Variants in QRICH1 observed in about 807,000 individuals in gnomAD.
QRICH1 encodes transcriptional regulator QRICH1.
A neutral mutation model predicts 87.1 loss-of-function variants in QRICH1; 16 were observed. The ratio of observed to expected loss-of-function variants is 0.18; its 90% CI spans 0.12 to 0.28. The LOEUF (loss-of-function observed/expected upper bound fraction) is 0.28. QRICH1 is among the 10% of genes least tolerant of loss of function. QRICH1 has a pLI of 1.00. For synonymous variants in QRICH1, 367 were observed against 368.4 expected (o/e 1.00, Z 0.05); for missense variants, 647 against 951.7 (o/e 0.68, Z 4.21).
chr3:49,070,863 A>G (rs2093496448), intron 2 of QRICH1, among the ~76,000 whole-genome samples: 2 of 152,248 alleles, frequency 1.3e-5, no homozygotes, highest in South Asian at 4.1e-4. Flanking sequence ...TCATTTACAT[A>G]GAGTTTAGGG....
At position 49,057,633 on chromosome 3, in the gene QRICH1, G is replaced by A; in HGVS notation, c.567C>T (p.His189=). 1 of 1,614,232 alleles carries A rather than the reference G, an allele frequency of 6.2e-7. No individual in the cohort carries two copies. The highest frequency in any genetic ancestry group is 8.5e-7 in the Non-Finnish European group (1 of 1,180,042). The part of the protein sequence containing the change: ...QIQAAEIPEE[H]IPHQQIQAQL... Reference sequence around the variant, plus strand: ...GAGCCTGGATTTGCTGATGTGGGATGTGCTCCTCCGGGATTTCTGCAGCCT... The same window carrying A: ...GAGCCTGGATTTGCTGATGTGGGATATGCTCCTCCGGGATTTCTGCAGCCT... Residue 189 remains histidine, a synonymous_variant, in exon 3 of 10, where the codon CAC becomes CAT. Coordinates refer to ENST00000395443, the MANE Select transcript of QRICH1 (RefSeq NM_198880.3). The surrounding 1 kb of genome is among the most constrained non-coding windows in gnomAD (Gnocchi z 5.4).
chr3:49,048,473 GC>G, intron 3 of QRICH1, among the ~76,000 whole-genome samples: 1 of 143,054 alleles, frequency 7.0e-6, no homozygotes, highest in African/African-American at 2.6e-5. Context: ...CATCTGGATT[GC>G]TTTAAAAAAA....
chr3:49,038,271 C>A lies in QRICH1; in HGVS notation c.1787-5043G>T, dbSNP rs542586725. Among the ~76,000 whole-genome samples, 38 of 151,742 alleles carry A rather than the reference C, an allele frequency of 2.5e-4. No homozygotes were observed. The East Asian group carries it at 5.1e-3, about 20-fold the overall frequency. The stretch of plus-strand genomic sequence containing the variant: ...AGAGACAGGGCTTCACCGTGTTAGC[C>A]AGGATGGTCTCGATCTCCTGAACTC... On this transcript the variant is annotated intron_variant, in intron 6 of 9. Transcript: ENST00000395443.
chr3:49,068,033 T>A (rs560867952), intron 2 of QRICH1, among the ~76,000 whole-genome samples: 31 of 151,926 alleles, frequency 2.0e-4, no homozygotes, highest in South Asian at 6.2e-4. Flanking sequence ...ACACCTTTTT[T>A]AAAAAAAAGT....
At chr3:49,089,464 T>C (rs1431517548) in intron 1 of QRICH1, among the ~76,000 whole-genome samples, 1 of 152,166 alleles carries the variant, frequency 6.6e-6, no homozygotes, top group Non-Finnish European at 1.5e-5. Context: ...GCTGAAAATA[T>C]CCATTCCACG....
chr3:49,069,101 A>ATTTTTTTT (rs1340493320), intron 2 of QRICH1, among the ~76,000 whole-genome samples: 1 of 87,412 alleles, frequency 1.1e-5, no homozygotes, highest in Admixed American at 1.5e-4. Context: ...TATTATTATT[A>ATTTTTTTT]TTATTATTTT....
At chr3:49,078,290 T>G (rs979116723) in intron 1 of QRICH1, among the ~76,000 whole-genome samples, 1 of 152,080 alleles carries the variant, frequency 6.6e-6, no homozygotes, top group African/African-American at 2.4e-5. Flanking sequence ...GACAAGACTA[T>G]GTCCTGGTTC....
chr3:49,046,343 G>A, intron 5 of QRICH1, 82 bp downstream of exon 5: 5 of 1,377,164 alleles, frequency 3.6e-6, no homozygotes, highest in Non-Finnish European at 4.9e-6. Context: ...TTAACTTCTT[G>A]CTTATCAATT....
intron 2 of QRICH1, among the ~76,000 whole-genome samples, chr3:49,058,678 G>C (rs1451167444): frequency 3.3e-5 from 5 of 151,974 alleles, no homozygotes; most frequent in African/African-American, 1.2e-4. Flanking sequence ...GCCCAGGCTG[G>C]AGTGCAGTGG....
Position 49,057,888 on chromosome 3 carries a change from G to C in QRICH1, c.312C>G (p.Val104=). Residue 104 remains valine (V), a splice_region_variant and synonymous_variant, in exon 3 of 10, where the codon GTC becomes GTG. Coordinates refer to ENST00000395443, the MANE Select transcript of QRICH1 (RefSeq NM_198880.3). This position sits in a 1 kb window ranked among gnomAD's most constrained non-coding sequence, Gnocchi z 5.4. The part of the protein sequence containing the change: ...IQVQQPQQVQ[V]QVQVQQSPQQ... ...GCGGAGACTGCTGTACCTGCACCTG[G>C]ACCTGTAAGCAACAAGATTCATCAG... 1 of 1,613,992 alleles carries C rather than the reference G, an allele frequency of 6.2e-7. No individual in the cohort carries two copies. Among genetic ancestry groups the C allele is most frequent in the Non-Finnish European group, 8.5e-7 (1 of 1,179,982 alleles).
intron 2 of QRICH1, among the ~76,000 whole-genome samples, chr3:49,066,828 A>C (rs1195918533): frequency 1.3e-5 from 2 of 151,918 alleles, no homozygotes; most frequent in Non-Finnish European, 2.9e-5. Flanking sequence ...ACCTGAGGTA[A>C]GGAGTTCGAG....
chr3:49,056,407 A>T (rs552722443), intron 3 of QRICH1, among the ~76,000 whole-genome samples: 36 of 152,318 alleles, frequency 2.4e-4, no homozygotes, highest in African/African-American at 8.7e-4. Context: ...CTGTGTGCCC[A>T]AAGATGAAAA....
intron 5 of QRICH1, among the ~76,000 whole-genome samples, chr3:49,046,214 C>T (rs560103848): frequency 1.3e-4 from 19 of 151,122 alleles, no homozygotes; most frequent in South Asian, 1.0e-3. Context: ...CACCAGCGCC[C>T]GGCCCCGGCT....
At chr3:49,032,795 AGGCAGAGGGAGG>A in intron 7 of QRICH1, 22 bp from the exon 8 acceptor site, 1 of 1,596,494 alleles carries the variant, frequency 6.3e-7, no homozygotes, top group Non-Finnish European at 8.5e-7. Context: ...GTAAAATGCA[AGGCAGAGGGAGG>A]GGTGCCGGGA....
At chr3:49,045,747 G>A (rs753660169) in intron 5 of QRICH1, among the ~76,000 whole-genome samples, 5 of 151,314 alleles carry the variant, frequency 3.3e-5, no homozygotes, top group Non-Finnish European at 5.9e-5. Context: ...CTACAGGCAT[G>A]CATTACCATA....
Position 49,032,214 on chromosome 3 carries a change from T to C in QRICH1, c.2107A>G (p.Ile703Val). Reference sequence around the variant, plus strand: ...AAGAGGTAGAAATCATAGAGCTTGATGGGACATCTCAATGGATTCTCTGGA... The same window carrying C: ...AAGAGGTAGAAATCATAGAGCTTGACGGGACATCTCAATGGATTCTCTGGA... ...ENPENPLRCP[I>V]KLYDFYLFKC... The change falls in exon 9 of 10, where the codon ATC becomes GTC. Residue 703 changes from isoleucine to valine, a missense_variant. This residue lies in a region of QRICH1 where 2 missense variants were observed against 20.8 expected (regional missense o/e 0.10). Coordinates refer to ENST00000395443, the MANE Select transcript of QRICH1 (RefSeq NM_198880.3). The C allele has an allele frequency of 6.2e-7, 1 of 1,613,880 alleles. No individual in the cohort carries two copies. Among genetic ancestry groups the C allele is most frequent in the Non-Finnish European group, 8.5e-7 (1 of 1,179,742 alleles).
At chr3:49,046,310 A>G (rs2093339389) in intron 5 of QRICH1, 115 bp downstream of exon 5, 1 of 1,144,174 alleles carries the variant, frequency 8.7e-7, no homozygotes, top group African/African-American at 1.6e-5. Context: ...CTCACTGTAT[A>G]CCTGAAAGAG....
intron 3 of QRICH1, among the ~76,000 whole-genome samples, chr3:49,048,782 T>C (rs57630346): frequency 0.82 from 108,161 of 132,662 alleles, 44,480 homozygotes; most frequent in East Asian, 1. Context: ...AGTGAGACTC[T>C]GTTCACAAAA....
intron 1 of QRICH1, among the ~76,000 whole-genome samples, chr3:49,078,288 T>C (rs1306058467): frequency 6.6e-6 from 1 of 152,074 alleles, no homozygotes; most frequent in African/African-American, 2.4e-5. Context: ...TAGACAAGAC[T>C]ATGTCCTGGT....
Sources: allele counts gnomAD v4.1 joint callset (sites outside exome capture counted in the v4.1 genomes callset), GRCh38; gene constraint gnomAD v4.1.1; regional missense constraint gnomAD v4.1.1; non-coding constraint Gnocchi (gnomAD v3.1); transcripts MANE v1.5; gene names NCBI Gene and HGNC (gene_info 2026-07-23, HGNC 2026-07-21).